The following PARP11 variants were observed in gnomAD, a reference collection of about 807,000 sequenced individuals.
The protein encoded by PARP11 is protein mono-ADP-ribosyltransferase PARP11.
Under a neutral mutation model 42.9 loss-of-function variants are expected in PARP11, and 31 were observed. The ratio of observed to expected loss-of-function variants is 0.72; its 90% CI spans 0.54 to 0.98. The LOEUF (loss-of-function observed/expected upper bound fraction) is 0.98. Ranked by LOEUF, PARP11 falls within the 50% of genes least tolerant of loss-of-function variation. The pLI is 0.00. For synonymous variants in PARP11, 137 were observed against 127.3 expected (o/e 1.08, Z -0.51); for missense variants, 365 against 413.1 (o/e 0.88, Z 1.01).
At chr12:3,823,739 A>T (rs1947455171) in intron 4 of PARP11, among the ~76,000 whole-genome samples, 1 of 151,764 alleles carries the variant, frequency 6.6e-6, no homozygotes, top group Non-Finnish European at 1.5e-5. Flanking sequence ...AACAGAGTGA[A>T]ACCCCATCTC....
chr12:3,870,085 G>A (rs1044703226), intron 1 of PARP11, among the ~76,000 whole-genome samples: 4 of 152,092 alleles, frequency 2.6e-5, no homozygotes, highest in African/African-American at 9.7e-5. Context: ...TTCATTTCTG[G>A]AATTTTCCAT....
chr12:3,819,962 T>C (rs1368656227), intron 6 of PARP11, among the ~76,000 whole-genome samples: 2 of 152,338 alleles, frequency 1.3e-5, no homozygotes, highest in African/African-American at 4.8e-5. Flanking sequence ...CTGCCCCTGA[T>C]GCCTGAGATG....
At chr12:3,814,262 G>C in intron 6 of PARP11, 74 bp from the exon 7 acceptor site, 1 of 1,240,166 alleles carries the variant, frequency 8.1e-7, no homozygotes, top group Non-Finnish European at 1.1e-6. Flanking sequence ...ATCTTAATGA[G>C]CAAGGTTCAA....
intron 6 of PARP11, among the ~76,000 whole-genome samples, chr12:3,814,843 G>A (rs1056999251): frequency 1.3e-5 from 2 of 152,144 alleles, no homozygotes; most frequent in Non-Finnish European, 2.9e-5. Context: ...GTAGATCTAT[G>A]TGCATTAACA....
At chr12:3,872,423 TA>T in intron 1 of PARP11, 2 of 643,332 alleles carry the variant, frequency 3.1e-6, no homozygotes, top group Non-Finnish European at 3.9e-6. Flanking sequence ...GGAAAGGTAC[TA>T]AAGTTTTCGG....
intron 6 of PARP11, among the ~76,000 whole-genome samples, chr12:3,816,960 G>A (rs923435697): frequency 6.6e-6 from 1 of 152,180 alleles, no homozygotes; most frequent in Admixed American, 6.5e-5. Context: ...GGGAGGCTGA[G>A]GTGGGCGGAT....
intron 1 of PARP11, among the ~76,000 whole-genome samples, chr12:3,852,287 T>C (rs923302043): frequency 1.3e-5 from 2 of 152,182 alleles, no homozygotes; most frequent in African/African-American, 4.8e-5. Context: ...AGAATGACTT[T>C]GACGAGTTGA....
intron 1 of PARP11, among the ~76,000 whole-genome samples, chr12:3,859,976 C>A (rs1948268268): frequency 6.6e-6 from 1 of 152,290 alleles, no homozygotes; most frequent in Admixed American, 6.5e-5. Context: ...AAACAATTTG[C>A]TGAAGGAGTG....
intron 7 of PARP11, among the ~76,000 whole-genome samples, chr12:3,812,898 G>C (rs561635543): frequency 6.6e-6 from 1 of 152,278 alleles, no homozygotes; most frequent in South Asian, 2.1e-4. Context: ...CGCCTCCCAG[G>C]TTCAAGCGAT....
chr12:3,864,751 G>A (rs547301935), intron 1 of PARP11, among the ~76,000 whole-genome samples: 1 of 152,188 alleles, frequency 6.6e-6, no homozygotes, highest in South Asian at 2.1e-4. Context: ...ATGTAGTGAT[G>A]TTACCTCTCT....
chr12:3,841,286 T>A, intron 1 of PARP11: 1 of 1,315,430 alleles, frequency 7.6e-7, no homozygotes, highest in Non-Finnish European at 1.1e-6. Flanking sequence ...TTCTTCAATC[T>A]TGGTGTGAAG....
chr12:3,840,964 C>A lies in PARP11; in HGVS notation c.19-10946G>T. 6.2e-7 allele frequency: 1 copy of A among 1,607,530 alleles called. No homozygotes were observed. Among genetic ancestry groups the A allele is most frequent in the Non-Finnish European group, 8.5e-7 (1 of 1,174,152 alleles). ...TTTACCAGCCACTGTGCCAGCCTGG[C>A]CAAGTGAACCTACAACTTTTGGACC... On this transcript the variant is annotated intron_variant, in intron 1 of 7. Transcript: ENST00000228820. The surrounding 1 kb of genome is among the most constrained non-coding windows in gnomAD (Gnocchi z 4.4).
intron 1 of PARP11, among the ~76,000 whole-genome samples, chr12:3,858,537 C>T (rs1948232743): frequency 6.6e-6 from 1 of 152,206 alleles, no homozygotes; most frequent in Admixed American, 6.5e-5. Flanking sequence ...TGCTTCCTCG[C>T]CCCTATAGGA....
intron 1 of PARP11, among the ~76,000 whole-genome samples, chr12:3,855,565 C>T (rs1020406944): frequency 1.3e-5 from 2 of 152,190 alleles, no homozygotes; most frequent in Admixed American, 6.5e-5. Context: ...ATCCAACTTA[C>T]AAGGGATGTG....
intron 1 of PARP11, chr12:3,841,731 T>C: frequency 6.2e-7 from 1 of 1,613,080 alleles, no homozygotes. Context: ...CAGTTCCTAT[T>C]GCACCTCCTT....
chr12:3,832,696 T>G (rs1459655592), intron 1 of PARP11, among the ~76,000 whole-genome samples: 1 of 152,222 alleles, frequency 6.6e-6, no homozygotes, highest in Non-Finnish European at 1.5e-5. Flanking sequence ...GCAACCATAG[T>G]AAGAATGGCT....
intron 1 of PARP11, among the ~76,000 whole-genome samples, chr12:3,868,231 C>G (rs184247914): frequency 6.6e-6 from 1 of 152,254 alleles, no homozygotes; most frequent in South Asian, 2.1e-4. Context: ...GAGGCCTAGG[C>G]GGGTGGATCA....
intron 1 of PARP11, among the ~76,000 whole-genome samples, chr12:3,836,206 G>T (rs1034203050): frequency 6.6e-6 from 1 of 151,820 alleles, no homozygotes; most frequent in African/African-American, 2.4e-5. Flanking sequence ...CTTAAAATCA[G>T]CAAGAGAAAA....
intron 1 of PARP11, among the ~76,000 whole-genome samples, chr12:3,843,766 G>C (rs1947940851): frequency 6.6e-6 from 1 of 152,104 alleles, no homozygotes; most frequent in Non-Finnish European, 1.5e-5. Context: ...TCATTCATCT[G>C]TGTTATTTTG....
Sources: allele counts gnomAD v4.1 joint callset (sites outside exome capture counted in the v4.1 genomes callset), GRCh38; gene constraint gnomAD v4.1.1; non-coding constraint Gnocchi (gnomAD v3.1); transcripts MANE v1.5; gene names NCBI Gene and HGNC (gene_info 2026-07-23, HGNC 2026-07-21).